The following SPMIP3 variants were observed in gnomAD, a reference collection of about 807,000 sequenced individuals.
SPMIP3 encodes protein SPMIP3.
the SPMIP3 span, among the ~76,000 whole-genome samples, chr1:244,355,560 G>C: frequency 6.6e-6 from 1 of 151,988 alleles, no homozygotes; most frequent in African/African-American, 2.4e-5. Flanking sequence ...GCTAATTTTT[G>C]TGTTTTTAGT....
At chr1:244,385,120 T>C in the SPMIP3 span, among the ~76,000 whole-genome samples, 1 of 152,168 alleles carries the variant, frequency 6.6e-6, no homozygotes, top group African/African-American at 2.4e-5. Flanking sequence ...CTCGAACTCC[T>C]GACCTCAGGT....
At chr1:244,353,991 C>T in the SPMIP3 span, among the ~76,000 whole-genome samples, 5 of 152,156 alleles carry the variant, frequency 3.3e-5, no homozygotes, top group African/African-American at 1.2e-4. Flanking sequence ...CACTAGGGCA[C>T]GACTTTCCCC....
the SPMIP3 span, among the ~76,000 whole-genome samples, chr1:244,373,973 T>C: frequency 6.6e-6 from 1 of 152,008 alleles, no homozygotes; most frequent in South Asian, 2.1e-4. Flanking sequence ...ATTAGCCCGG[T>C]GTGGTGGCAG....
At chr1:244,379,476 G>T in the SPMIP3 span, among the ~76,000 whole-genome samples, 3 of 152,084 alleles carry the variant, frequency 2.0e-5, no homozygotes, top group Admixed American at 6.5e-5. Flanking sequence ...AAAGTGCTGG[G>T]ATTACAGGTG....
chr1:244,387,276 C>T, the SPMIP3 span, among the ~76,000 whole-genome samples: 2 of 150,492 alleles, frequency 1.3e-5, no homozygotes, highest in East Asian at 2.0e-4. Context: ...CCAGCCTGGC[C>T]GACAGAGTAC....
At chr1:244,356,291 G>A in the SPMIP3 span, among the ~76,000 whole-genome samples, 1 of 152,310 alleles carries the variant, frequency 6.6e-6, no homozygotes, top group South Asian at 2.1e-4. Flanking sequence ...ATCAGATTGA[G>A]AAGGTTCCCC....
the SPMIP3 span, among the ~76,000 whole-genome samples, chr1:244,373,972 G>A: frequency 6.6e-6 from 1 of 151,950 alleles, no homozygotes; most frequent in African/African-American, 2.4e-5. Flanking sequence ...AATTAGCCCG[G>A]TGTGGTGGCA....
At chr1:244,356,968 G>C in the SPMIP3 span, among the ~76,000 whole-genome samples, 12 of 140,944 alleles carry the variant, frequency 8.5e-5, no homozygotes, top group Middle Eastern at 4.0e-3. Flanking sequence ...TGTAACCCAG[G>C]CTGGATTGCA....
chr1:244,364,680 T>A, the SPMIP3 span: 4 of 1,612,786 alleles, frequency 2.5e-6, no homozygotes, highest in Non-Finnish European at 3.4e-6. Flanking sequence ...GCCATAATTT[T>A]TTTTCAGATT....
At chr1:244,357,793 T>C in the SPMIP3 span, among the ~76,000 whole-genome samples, 2,664 of 150,000 alleles carry the variant, frequency 0.018, 74 homozygotes, top group African/African-American at 0.062. Flanking sequence ...GAATATAAAA[T>C]AGGGCCAGGC....
At chr1:244,356,912 CTTTT>C in the SPMIP3 span, among the ~76,000 whole-genome samples, 3 of 131,302 alleles carry the variant, frequency 2.3e-5, no homozygotes, top group Non-Finnish European at 4.7e-5. Flanking sequence ...CTTTTCTTTT[CTTTT>C]CCTTTTTTTT....
chr1:244,378,576 G>A, the SPMIP3 span: 1 of 1,614,136 alleles, frequency 6.2e-7, no homozygotes, highest in East Asian at 2.2e-5. Flanking sequence ...TTCAAAGCCT[G>A]CCGAGCCATG....
chr1:244,363,539 G>T, the SPMIP3 span, among the ~76,000 whole-genome samples: 1 of 152,172 alleles, frequency 6.6e-6, no homozygotes, highest in South Asian at 2.1e-4. Flanking sequence ...TCCTCAGAAG[G>T]GCTGGAAGAA....
chr1:244,377,209 C>T, the SPMIP3 span, among the ~76,000 whole-genome samples: 86 of 149,872 alleles, frequency 5.7e-4, no homozygotes, highest in African/African-American at 2.1e-3. Flanking sequence ...GCAAGCTCCG[C>T]CCCCCGGGTT....
chr1:244,358,625 G>GTATA, the SPMIP3 span, among the ~76,000 whole-genome samples: 134 of 92,674 alleles, frequency 1.4e-3, no homozygotes, highest in African/African-American at 4.3e-3. Flanking sequence ...GTGTGTGTGT[G>GTATA]TATATATATA....
the SPMIP3 span, among the ~76,000 whole-genome samples, chr1:244,387,263 G>A: frequency 0.26 from 39,970 of 151,144 alleles, 6,479 homozygotes; most frequent in East Asian, 0.61. Flanking sequence ...GCGCCACTGC[G>A]CTCCAGCCTG....
chr1:244,373,332 T>TTTATATATA, the SPMIP3 span, among the ~76,000 whole-genome samples: 2 of 85,144 alleles, frequency 2.3e-5, no homozygotes, highest in African/African-American at 8.3e-5. Context: ...CAAAAAAAAA[T>TTTATATATA]TATATATATA....
the SPMIP3 span, among the ~76,000 whole-genome samples, chr1:244,355,009 G>A: frequency 6.6e-6 from 1 of 152,208 alleles, no homozygotes; most frequent in African/African-American, 2.4e-5. Context: ...GAAATCACGT[G>A]TCTTTTGCTG....
chr1:244,368,321 T>TGA, the SPMIP3 span, among the ~76,000 whole-genome samples: 1 of 152,218 alleles, frequency 6.6e-6, no homozygotes. Context: ...GGTAAACACT[T>TGA]CTGAAGCTCT....
Sources: gnomAD v4.1 joint callset for allele counts (sites outside exome capture counted in the v4.1 genomes callset) on GRCh38, gnomAD v4.1.1 for gene constraint, MANE v1.5 for transcripts, NCBI Gene and HGNC (gene_info 2026-07-23, HGNC 2026-07-21) for gene names.